CDC42BPG: variants seen among roughly 807,000 people sequenced by gnomAD.
CDC42BPG encodes the protein serine/threonine-protein kinase MRCK gamma.
CDC42BPG carries 157 observed loss-of-function variants against 192.2 expected under a neutral mutation model. The observed-to-expected ratio is 0.82, with a 90% confidence interval of 0.72 to 0.93. The LOEUF (loss-of-function observed/expected upper bound fraction) is 0.93. Ranked by LOEUF, CDC42BPG falls within the 40% of genes least tolerant of loss-of-function variation. The probability of loss-of-function intolerance (pLI) is 0.00; values close to 1 mark genes in which losing one functional copy is unlikely to be tolerated. For missense variants in CDC42BPG, 1,992 were observed against 2,122.1 expected (o/e 0.94, Z 1.20); for synonymous variants, 981 against 918.5 (o/e 1.07, Z -1.23).
intron 28 of CDC42BPG, among the ~76,000 whole-genome samples, chr11:64,831,177 T>G (rs996147335): frequency 1.3e-5 from 2 of 151,346 alleles, no homozygotes; most frequent in African/African-American, 4.9e-5. Context: ...GAGATTGCAC[T>G]GCTGAGCTCC....
In CDC42BPG at chr11:64,838,696, G is replaced by A; in HGVS notation, c.1083C>T (p.Asp361=). Residue 361 remains aspartate, a synonymous_variant, in exon 8 of 37, where the codon GAC becomes GAT. Transcript: ENST00000342711. ...CGTCATCCACATCAAAGTTGGAGGT[G>A]TCCATGGGCCCCCGCAGCTCAGGAA... ...PYIPELRGPM[D]TSNFDVDDDT... is the part of the protein sequence containing the mutation. The A allele has an allele frequency of 1.2e-6, 2 of 1,613,232 alleles. No individual in the cohort carries two copies. The highest frequency in any genetic ancestry group is 1.7e-6 in the Non-Finnish European group (2 of 1,180,032).
In CDC42BPG at chr11:64,833,797, TG is replaced by T; in HGVS notation, c.2505del (p.Thr836GlnfsTer9). 6.2e-7 allele frequency: 1 copy of T among 1,614,234 alleles called. No individual in the cohort carries two copies. The highest frequency in any genetic ancestry group is 8.5e-7 in the Non-Finnish European group (1 of 1,180,044). On this transcript the variant is annotated frameshift_variant, in exon 22 of 37. Transcript: ENST00000342711. LOFTEE classifies it high-confidence loss of function. ...SAKDPGISGE[A>X]TRHGGEPDLR... Reference sequence around the variant, plus strand: ...AGATCTGGCTCTCCTCCATGCCTTGTGGCCTCTCCTGAGATGCCAGGGTCCT... The same window carrying T: ...AGATCTGGCTCTCCTCCATGCCTTGTGCCTCTCCTGAGATGCCAGGGTCCT...
In CDC42BPG at chr11:64,831,493, C is replaced by A; in HGVS notation, c.3304+12G>T. 6.2e-7 allele frequency: 1 copy of A among 1,601,736 alleles called. No homozygotes were observed. On this transcript the variant is annotated intron_variant, in intron 28 of 36. Transcript: ENST00000342711. ...CCTGAACTGCTTCCTCCAGTCCCCT[C>A]CACCAGCTCACCGAGGATGGCAGCG... is the stretch of plus-strand genomic sequence containing the variant.
At chr11:64,842,934 C>CGCA (rs1180548153) in intron 1 of CDC42BPG, among the ~76,000 whole-genome samples, 5 of 152,150 alleles carry the variant, frequency 3.3e-5, no homozygotes, top group African/African-American at 1.2e-4. Context: ...GGCAGAAGCC[C>CGCA]GCAGCGGGGG....
At chr11:64,825,787 C>CG (rs1400933524) in intron 36 of CDC42BPG, among the ~76,000 whole-genome samples, 5 of 152,072 alleles carry the variant, frequency 3.3e-5, no homozygotes, top group Non-Finnish European at 7.4e-5. Context: ...CAAGAGTGGC[C>CG]GGGCATGGTG....
chr11:64,834,621 G>T, intron 18 of CDC42BPG, 44 bp from the exon 19 acceptor site: 1 of 1,495,794 alleles, frequency 6.7e-7, no homozygotes, highest in Non-Finnish European at 8.9e-7. Context: ...TCTAGGCCTG[G>T]CTGCCTCAGG....
At chr11:64,827,819 CCT>C (rs1942507007) in intron 30 of CDC42BPG, 36 bp from the exon 31 acceptor site, 4 of 1,547,838 alleles carry the variant, frequency 2.6e-6, no homozygotes, top group Non-Finnish European at 3.5e-6. Flanking sequence ...GCTGTTTCCC[CCT>C]CTGTTCCACA....
chr11:64,844,259 G>A, intron 1 of CDC42BPG, 151 bp downstream of exon 1: 1 of 673,548 alleles, frequency 1.5e-6, no homozygotes, highest in South Asian at 3.6e-5. Context: ...TGCGGGCCGC[G>A]GGGGTCCGGT....
rs184161734 is a variant in CDC42BPG, at chr11:64,823,355, G to C, written c.*1118C>G. On this transcript the variant is annotated 3_prime_UTR_variant, in exon 37 of 37. Coordinates refer to ENST00000342711, the MANE Select transcript of CDC42BPG (RefSeq NM_017525.3). ...CCCGCCTCGGCCTCCCAAAGTGCTG[G>C]GATTACAGGCGTGAGCCACCGCGCC... is the stretch of plus-strand genomic sequence containing the variant. The C allele has an allele frequency of 2.6e-5, 4 of 152,042 alleles. No homozygotes were observed. Among genetic ancestry groups the C allele is most frequent in the African/African-American group, 9.7e-5 (4 of 41,370 alleles). 9.4% of individuals were successfully genotyped at this position (152,042 alleles called of 1,614,324 possible).
chr11:64,834,934 T>C lies in CDC42BPG; in HGVS notation c.2090A>G (p.Tyr697Cys), dbSNP rs1410241877. Residue 697 changes from tyrosine to cysteine, a missense_variant, in exon 18 of 37, where the codon TAC becomes TGC. Physicochemically the swap from Tyr to Cys is radical, Grantham distance 194. Around this residue, in one of 2 missense-constraint regions of CDC42BPG, gnomAD observed 1,656 missense variants for 1,844.3 expected, o/e 0.90. Coordinates refer to ENST00000342711, the MANE Select transcript of CDC42BPG (RefSeq NM_017525.3). ...WVNDEKVSRG[Y>C]LQALATKMAE... ...CATCTTGGTGGCCAGGGCCTGCAGGTAGCCTCTTGAGACCTTCTCATCATT... is the reference window on the plus strand; with the variant it reads ...CATCTTGGTGGCCAGGGCCTGCAGGCAGCCTCTTGAGACCTTCTCATCATT... The C allele has an allele frequency of 6.2e-7, 1 of 1,614,074 alleles. No homozygotes were observed.
intron 28 of CDC42BPG, among the ~76,000 whole-genome samples, chr11:64,831,034 A>G (rs533506283): frequency 1.3e-5 from 2 of 152,294 alleles, no homozygotes; most frequent in African/African-American, 4.8e-5. Context: ...CCTGGCCAAC[A>G]TGCTGAAACC....
chr11:64,842,583 C>T (rs1282582811), intron 1 of CDC42BPG, among the ~76,000 whole-genome samples: 2 of 152,336 alleles, frequency 1.3e-5, no homozygotes, highest in East Asian at 3.9e-4. Context: ...CCCCTGAAGG[C>T]GTGAGTGCTC....
chr11:64,835,140 AGCTCT>A lies in CDC42BPG; in HGVS notation c.1962_1966del (p.Glu655GlyfsTer13). On this transcript the variant is annotated frameshift_variant, in exon 17 of 37. Coordinates refer to ENST00000342711, the MANE Select transcript of CDC42BPG (RefSeq NM_017525.3). LOFTEE classifies it high-confidence loss of function. ...CTGCTTGCTCTCCTGCTCCTGGGCC[AGCTCT>A]GCTTCTAGCTGGGGCCGGCCAGAGG... 7 of 1,600,432 alleles carry A rather than the reference AGCTCT, an allele frequency of 4.4e-6. No homozygotes were observed. Among genetic ancestry groups the A allele is most frequent in the Non-Finnish European group, 5.1e-6 (6 of 1,179,558 alleles).
At position 64,833,745 on chromosome 11, in the gene CDC42BPG, C is replaced by T. The variant is rs767424134; in HGVS notation, c.2558G>A (p.Arg853His). 1.2e-5 allele frequency: 20 copies of T among 1,613,936 alleles called. No homozygotes were observed. Among genetic ancestry groups the T allele is most frequent in the South Asian group, 5.5e-5 (5 of 91,092 alleles). ...GGACCCACCTGTCCTCACCCCCATG[C>T]GCAGGCTGCGTCGGCCCTCCGGCCT... ...DLRPEGRRSL[R>H]MGAVFPRAPT... The change falls in exon 22 of 37, where the codon CGC (arginine) becomes CAC (histidine). Residue 853 changes from arginine to histidine, a missense_variant. Arg to His is a conservative substitution (Grantham distance 29, BLOSUM62 0). Coordinates refer to ENST00000342711, the MANE Select transcript of CDC42BPG (RefSeq NM_017525.3).
chr11:64,832,438 C>A lies in CDC42BPG; in HGVS notation c.3077G>T (p.Arg1026Leu). The A allele has an allele frequency of 6.2e-7, 1 of 1,613,846 alleles. No homozygotes were observed. The change falls in exon 27 of 37, where the codon CGC (arginine) becomes CTC (leucine). Residue 1026 changes from arginine to leucine, a missense_variant. Physicochemically the swap from Arg to Leu is moderately radical, Grantham distance 102 (BLOSUM62 -2). This residue lies in a region of CDC42BPG where 1,656 missense variants were observed against 1,844.3 expected (regional missense o/e 0.90). Transcript: ENST00000342711. ...ATCCCAGGCACTCACCCTAAAGATGCGTGGCAGGTCCCTGGATTGGGCATG... is the reference window on the plus strand; with the variant it reads ...ATCCCAGGCACTCACCCTAAAGATGAGTGGCAGGTCCCTGGATTGGGCATG... ...VIHAQSRDLPRIFRVTTSQLA... is the reference protein window; with the variant it reads ...VIHAQSRDLPLIFRVTTSQLA...
chr11:64,828,675 G>C (rs1225526933), intron 30 of CDC42BPG, among the ~76,000 whole-genome samples: 1 of 152,210 alleles, frequency 6.6e-6, no homozygotes, highest in Admixed American at 6.5e-5. Flanking sequence ...AGCACTTTGG[G>C]AGGCCGCGCG....
At chr11:64,829,030 C>G (rs932638112) in intron 30 of CDC42BPG, among the ~76,000 whole-genome samples, 5 of 152,210 alleles carry the variant, frequency 3.3e-5, no homozygotes, top group Admixed American at 3.3e-4. Context: ...AGCCTGGCGA[C>G]AGAGTGAGAC....
At chr11:64,834,384 G>T in intron 19 of CDC42BPG, 30 bp from the exon 20 acceptor site, 1 of 1,561,500 alleles carries the variant, frequency 6.4e-7, no homozygotes. Flanking sequence ...CTCGCCACTG[G>T]CCTCTGTGCG....
At chr11:64,836,400 C>A (rs1190523920) in intron 12 of CDC42BPG, 27 bp downstream of exon 12, 1 of 918,574 alleles carries the variant, frequency 1.1e-6, no homozygotes, top group Non-Finnish European at 1.7e-6. Flanking sequence ...CCTCACCCAG[C>A]CCTCACCCAC....
Sources: allele counts gnomAD v4.1 joint callset (sites outside exome capture counted in the v4.1 genomes callset), GRCh38; gene constraint gnomAD v4.1.1; regional missense constraint gnomAD v4.1.1; transcripts MANE v1.5; gene names NCBI Gene and HGNC (gene_info 2026-07-23, HGNC 2026-07-21).